The following KIAA1671 variants were observed in gnomAD, a reference collection of about 807,000 sequenced individuals.
The protein encoded by KIAA1671 is KIAA1671.
A neutral mutation model predicts 131.2 loss-of-function variants in KIAA1671; 52 were observed. The observed-to-expected ratio is 0.40, with a 90% CI of 0.32 to 0.50. The LOEUF is 0.50. Ranked by LOEUF, KIAA1671 falls within the 20% of genes least tolerant of loss-of-function variation. KIAA1671 has a pLI of 0.73. For synonymous variants in KIAA1671, 1,003 were observed against 961.6 expected (o/e 1.04, Z -0.80); for missense variants, 2,360 against 2,364.2 (o/e 1.00, Z 0.04).
chr22:25,049,284 C>A lies in KIAA1671; in HGVS notation c.4450C>A (p.Leu1484Ile). ...EDAPQEKERP[L>I]QQVSPVASVP... ...TGCCCCCCAGGAGAAGGAGCGACCGCTCCAGCAGGTGTCCCCTGTGGCCTC... is the reference window on the plus strand; with the variant it reads ...TGCCCCCCAGGAGAAGGAGCGACCGATCCAGCAGGTGTCCCCTGTGGCCTC... The change falls in exon 6 of 13, where the codon CTC (leucine) becomes ATC (isoleucine). Residue 1484 changes from leucine (L) to isoleucine (I), a missense_variant. Around this residue, in one of 3 missense-constraint regions of KIAA1671, gnomAD observed 1,161 missense variants for 1,204.7 expected, o/e 0.96. Coordinates refer to ENST00000358431, the MANE Select transcript of KIAA1671 (RefSeq NM_001145206.2). The A allele has an allele frequency of 6.4e-7, 1 of 1,551,910 alleles. No homozygotes were observed. The highest frequency in any genetic ancestry group is 8.7e-7 in the Non-Finnish European group (1 of 1,147,000).
chr22:25,041,392 G>C lies in KIAA1671; in HGVS notation c.4262G>C (p.Gly1421Ala). Residue 1421 changes from glycine (G) to alanine (A), a missense_variant, in exon 5 of 13, where the codon GGC (glycine) becomes GCC (alanine). This residue lies in a region of KIAA1671 where 1,161 missense variants were observed against 1,204.7 expected (regional missense o/e 0.96). Transcript: ENST00000358431. The stretch of plus-strand genomic sequence containing the variant: ...GGGCCCCCTGCCAACATCCGAGAGG[G>C]CCTGTCCATCATGCATGAAGCCAGA... ...EKGPPANIRE[G>A]LSIMHEARER... 1 of 1,551,800 alleles carries C rather than the reference G, an allele frequency of 6.4e-7. No homozygotes were observed. The highest frequency in any genetic ancestry group is 8.7e-7 in the Non-Finnish European group (1 of 1,147,010).
At chr22:25,032,883 A>T (rs2145794147) in intron 4 of KIAA1671, among the ~76,000 whole-genome samples, 187 bp downstream of exon 4, 1 of 152,024 alleles carries the variant, frequency 6.6e-6, no homozygotes, top group South Asian at 2.1e-4. Flanking sequence ...GTGATTCCCT[A>T]CTCCCAGGTG....
intron 1 of KIAA1671, among the ~76,000 whole-genome samples, chr22:24,953,880 A>G (rs955084560): frequency 3.9e-5 from 6 of 152,158 alleles, no homozygotes; most frequent in Admixed American, 6.5e-5. Context: ...TGCACAAAGA[A>G]AAACACTTTC....
At chr22:25,160,445 G>A (rs1268907518) in intron 6 of KIAA1671, among the ~76,000 whole-genome samples, 5 of 152,164 alleles carry the variant, frequency 3.3e-5, no homozygotes, top group Non-Finnish European at 4.4e-5. Context: ...TCAGTCTTGG[G>A]CTTGCTCTTT....
chr22:25,092,994 G>C (rs1053299585), intron 6 of KIAA1671, among the ~76,000 whole-genome samples: 6 of 152,178 alleles, frequency 3.9e-5, no homozygotes, highest in African/African-American at 1.4e-4. Flanking sequence ...AGTATGGATG[G>C]GGGAGTTGCA....
At chr22:25,101,432 TAAAG>T (rs1378355678) in intron 6 of KIAA1671, among the ~76,000 whole-genome samples, 1 of 152,314 alleles carries the variant, frequency 6.6e-6, no homozygotes, top group East Asian at 1.9e-4. Context: ...TGGGGCCTGA[TAAAG>T]AAAGGTGATG....
chr22:25,078,212 G>C (rs1224121215), intron 6 of KIAA1671, among the ~76,000 whole-genome samples: 1 of 152,190 alleles, frequency 6.6e-6, no homozygotes, highest in African/African-American at 2.4e-5. Context: ...CCAGTGCCTG[G>C]CACATAATAG....
At chr22:25,074,000 C>T (rs1928965947) in intron 6 of KIAA1671, among the ~76,000 whole-genome samples, 1 of 152,134 alleles carries the variant, frequency 6.6e-6, no homozygotes, top group Non-Finnish European at 1.5e-5. Flanking sequence ...AGTCCTGCCC[C>T]ATTTTGTTTT....
chr22:24,979,305 C>T (rs1923092650), intron 1 of KIAA1671, among the ~76,000 whole-genome samples: 1 of 150,170 alleles, frequency 6.7e-6, no homozygotes, highest in Admixed American at 6.6e-5. Context: ...TGTGAGCCAC[C>T]ATGCCCGGGC....
At chr22:25,158,064 G>A (rs9620490) in intron 6 of KIAA1671, among the ~76,000 whole-genome samples, 12,416 of 152,180 alleles carry the variant, frequency 0.082, 1,654 homozygotes, top group African/African-American at 0.28. Flanking sequence ...CTTGTGATCC[G>A]CCTGCCTCGG....
At chr22:25,145,481 G>A (rs935761057) in intron 6 of KIAA1671, among the ~76,000 whole-genome samples, 3 of 152,210 alleles carry the variant, frequency 2.0e-5, no homozygotes, top group Non-Finnish European at 4.4e-5. Context: ...TGGGATTGGG[G>A]AAGACTGGGC....
At chr22:24,984,863 G>A (rs1223678480) in intron 1 of KIAA1671, among the ~76,000 whole-genome samples, 1 of 141,738 alleles carries the variant, frequency 7.1e-6, no homozygotes, top group Non-Finnish European at 1.5e-5. Flanking sequence ...GCGGTGAGCC[G>A]AGATCGTGTC....
At chr22:25,160,291 T>TACA (rs1933393391) in intron 6 of KIAA1671, among the ~76,000 whole-genome samples, 1 of 152,196 alleles carries the variant, frequency 6.6e-6, no homozygotes, top group African/African-American at 2.4e-5. Context: ...TGCACACAGG[T>TACA]GCACACGGGT....
At chr22:25,149,770 T>TTAATCTTGTCCCTTGGAGTGG (rs1932974142) in intron 6 of KIAA1671, among the ~76,000 whole-genome samples, 1 of 152,032 alleles carries the variant, frequency 6.6e-6, no homozygotes, top group Non-Finnish European at 1.5e-5. Context: ...AGGTAGAGTG[T>TTAATCTTGTCCCTTGGAGTGG]TAATCTTGTC....
intron 6 of KIAA1671, among the ~76,000 whole-genome samples, chr22:25,067,548 G>GCCC (rs1284651999): frequency 4.0e-5 from 6 of 151,012 alleles, no homozygotes; most frequent in Non-Finnish European, 8.8e-5. Flanking sequence ...TCCCTGTCTT[G>GCCC]CCCTTCCCTC....
chr22:25,035,383 A>G (rs1278305935), intron 4 of KIAA1671, among the ~76,000 whole-genome samples: 3 of 152,068 alleles, frequency 2.0e-5, no homozygotes, highest in Non-Finnish European at 4.4e-5. Context: ...GTAAACATCT[A>G]GGAGTAGAAT....
chr22:25,016,697 G>A (rs1052722715), intron 1 of KIAA1671, among the ~76,000 whole-genome samples: 23 of 152,292 alleles, frequency 1.5e-4, no homozygotes, highest in Admixed American at 7.2e-4. Flanking sequence ...AGGGGAATGG[G>A]GAGTGACTGC....
intron 6 of KIAA1671, among the ~76,000 whole-genome samples, chr22:25,157,405 A>G (rs976581502): frequency 1.3e-5 from 2 of 151,842 alleles, no homozygotes; most frequent in African/African-American, 4.8e-5. Context: ...CTCACTAGAC[A>G]GTGAATCTTG....
intron 5 of KIAA1671, among the ~76,000 whole-genome samples, chr22:25,042,238 C>G (rs1926970230): frequency 6.6e-6 from 1 of 152,202 alleles, no homozygotes; most frequent in Non-Finnish European, 1.5e-5. Flanking sequence ...CTGTTTTACA[C>G]TTCTGTCCTA....
Sources: gnomAD v4.1 joint callset for allele counts (sites outside exome capture counted in the v4.1 genomes callset) on GRCh38, gnomAD v4.1.1 for gene constraint, gnomAD v4.1.1 regional missense constraint, MANE v1.5 for transcripts, NCBI Gene and HGNC (gene_info 2026-07-23, HGNC 2026-07-21) for gene names.